Variants in CYRIB observed in about 807,000 individuals in gnomAD.
CYRIB encodes CYFIP-related Rac1 interactor B.
A neutral mutation model predicts 44.2 loss-of-function variants in CYRIB; 8 were observed. The observed-to-expected ratio is 0.18, with a 90% CI of 0.11 to 0.33. The LOEUF is 0.33. CYRIB is among the 10% of genes least tolerant of loss of function. The probability of loss-of-function intolerance (pLI) is 1.00; values close to 1 mark genes in which losing one functional copy is unlikely to be tolerated. For synonymous variants in CYRIB, 131 were observed against 127.2 expected (o/e 1.03, Z -0.20); for missense variants, 185 against 382.8 (o/e 0.48, Z 4.31).
chr8:129,895,107 C>T (rs948852731), intron 2 of CYRIB, among the ~76,000 whole-genome samples: 9 of 13,560 alleles, frequency 6.6e-4, no homozygotes, highest in East Asian at 5.0e-3. Flanking sequence ...TAGTGTGTGT[C>T]GGCGGGGTTG....
upstream of CYRIB, among the ~76,000 whole-genome samples, chr8:129,943,978 A>C (rs576256886): frequency 3.5e-4 from 53 of 150,796 alleles, no homozygotes; most frequent in Middle Eastern, 6.9e-3. Flanking sequence ...GGAAAGGGCC[A>C]AGGAGAAAAC....
chr8:129,946,330 G>A (rs959209560), intron 2 of CYRIB, among the ~76,000 whole-genome samples: 2 of 152,096 alleles, frequency 1.3e-5, no homozygotes, highest in Non-Finnish European at 2.9e-5. Flanking sequence ...ATCCAGTCTC[G>A]CTCCTCAATT....
intron 2 of CYRIB, among the ~76,000 whole-genome samples, chr8:129,890,101 C>T (rs1392320080): frequency 1.3e-5 from 2 of 152,154 alleles, no homozygotes; most frequent in Non-Finnish European, 2.9e-5. Context: ...ATGAAATCTA[C>T]TCTGGTGAAG....
At chr8:129,866,212 C>T (rs1271507499) in intron 4 of CYRIB, among the ~76,000 whole-genome samples, 4 of 152,216 alleles carry the variant, frequency 2.6e-5, no homozygotes, top group African/African-American at 7.2e-5. Context: ...TATGTGCCAA[C>T]ATTTACATAC....
intron 2 of CYRIB, among the ~76,000 whole-genome samples, chr8:129,955,127 C>G (rs1448346184): frequency 2.0e-5 from 3 of 152,000 alleles, no homozygotes; most frequent in Admixed American, 1.3e-4. Context: ...ATGGTGCACA[C>G]TTGTAGTCCC....
At position 129,841,950 on chromosome 8, in the gene CYRIB, A is replaced by G. The variant is rs2036532840; in HGVS notation, c.*192T>C. ...CCGTTTGAAAGGATGATATCCCTTC[A>G]GAGTGTAACTTTACTGATTTTGGCA... On this transcript the variant is annotated 3_prime_UTR_variant, in exon 12 of 12. Coordinates refer to ENST00000519824, the Ensembl canonical transcript of CYRIB. 7.1e-6 allele frequency: 4 copies of G among 561,432 alleles called. No homozygotes were observed. The South Asian group carries it at 7.4e-5, about 10-fold the overall frequency. 34.8% of individuals were successfully genotyped at this position (561,432 alleles called of 1,614,324 possible). A position where few individuals can be genotyped will look rare whatever the true frequency, so the allele number is the denominator to read the frequency against.
intron 2 of CYRIB, among the ~76,000 whole-genome samples, chr8:129,956,759 T>TCTTTTTC (rs1470242471): frequency 1.3e-5 from 2 of 152,150 alleles, no homozygotes; most frequent in African/African-American, 4.8e-5. Context: ...TATTCTTTTT[T>TCTTTTTC]CTTTTTCAGT....
chr8:129,889,958 G>A (rs1260153984), intron 2 of CYRIB, among the ~76,000 whole-genome samples: 1 of 152,056 alleles, frequency 6.6e-6, no homozygotes, highest in East Asian at 1.9e-4. Context: ...TATTTTAGTA[G>A]AGATAGGGTT....
intron 4 of CYRIB, among the ~76,000 whole-genome samples, chr8:129,869,111 C>A (rs941590050): frequency 6.7e-6 from 1 of 149,856 alleles, no homozygotes; most frequent in East Asian, 1.9e-4. Flanking sequence ...AAAGGCTGGG[C>A]GCGGTGGTTC....
At chr8:129,967,253 T>C (rs980636736) in intron 2 of CYRIB, among the ~76,000 whole-genome samples, 55 of 152,220 alleles carry the variant, frequency 3.6e-4, no homozygotes, top group African/African-American at 6.8e-4. Flanking sequence ...TGTTGGTAGC[T>C]TGAAACTGGT....
intron 1 of CYRIB, among the ~76,000 whole-genome samples, chr8:129,938,776 A>T (rs946401333): frequency 6.6e-6 from 1 of 152,208 alleles, no homozygotes; most frequent in African/African-American, 2.4e-5. Flanking sequence ...TTTTACACTC[A>T]GAGGAAATTA....
At chr8:129,858,529 C>T (rs189459750) in intron 5 of CYRIB, among the ~76,000 whole-genome samples, 1 of 152,234 alleles carries the variant, frequency 6.6e-6, no homozygotes, top group Non-Finnish European at 1.5e-5. Flanking sequence ...CCTATAGAGA[C>T]AACAGTCGTT....
intron 1 of CYRIB, among the ~76,000 whole-genome samples, chr8:129,916,900 T>G (rs557680108): frequency 3.6e-4 from 55 of 152,300 alleles, no homozygotes; most frequent in Middle Eastern, 3.4e-3. Context: ...TTGAAACCAG[T>G]CAAATACCAG....
chr8:129,926,307 A>G (rs2087683654), intron 1 of CYRIB, among the ~76,000 whole-genome samples: 1 of 152,212 alleles, frequency 6.6e-6, no homozygotes. Flanking sequence ...TCATTTATAT[A>G]ATTTCATTAA....
chr8:129,852,157 C>T lies in CYRIB; in HGVS notation c.633+5G>A. On this transcript the variant is annotated splice_donor_5th_base_variant and intron_variant, in intron 8 of 11. Coordinates refer to ENST00000519824, the Ensembl canonical transcript of CYRIB. ...ACACAGAGTACCTGCCTAGGCAATG[C>T]TTACCTCTGATACAAATTTTGTTGT... The T allele has an allele frequency of 6.5e-7, 1 of 1,528,110 alleles. No homozygotes were observed. The highest frequency in any genetic ancestry group is 8.8e-7 in the Non-Finnish European group (1 of 1,131,702). 94.7% of individuals were successfully genotyped at this position (1,528,110 alleles called of 1,614,324 possible).
At chr8:129,853,898 C>G (rs1481916152) in intron 7 of CYRIB, among the ~76,000 whole-genome samples, 1 of 152,144 alleles carries the variant, frequency 6.6e-6, no homozygotes, top group Non-Finnish European at 1.5e-5. Context: ...GAAATTAACC[C>G]ACGTCAATTT....
chr8:129,937,412 C>G (rs2093010721), intron 1 of CYRIB, among the ~76,000 whole-genome samples: 1 of 152,094 alleles, frequency 6.6e-6, no homozygotes, highest in Non-Finnish European at 1.5e-5. Flanking sequence ...AAATAAGCAC[C>G]CCTCTATACT....
At chr8:129,843,956 G>C (rs901476885) in intron 11 of CYRIB, 3 of 152,050 alleles carry the variant, frequency 2.0e-5, no homozygotes, top group Non-Finnish European at 2.9e-5. Flanking sequence ...AAGCAGCCAG[G>C]TTGGAAAGAA....
intron 5 of CYRIB, among the ~76,000 whole-genome samples, chr8:129,856,649 G>A (rs960894177): frequency 2.0e-5 from 3 of 152,068 alleles, no homozygotes; most frequent in Non-Finnish European, 4.4e-5. Context: ...TCATCAGCCC[G>A]TAACTTTAAA....
Sources: allele counts gnomAD v4.1 joint callset (sites outside exome capture counted in the v4.1 genomes callset), GRCh38; gene constraint gnomAD v4.1.1; transcripts MANE v1.5; gene names NCBI Gene and HGNC (gene_info 2026-07-23, HGNC 2026-07-21).